THADA: variants seen among roughly 807,000 people sequenced by gnomAD.
THADA encodes the protein tRNA (32-2'-O)-methyltransferase regulator THADA.
Under a neutral mutation model 219.8 loss-of-function variants are expected in THADA, and 213 were observed. The observed-to-expected ratio is 0.97, with a 90% confidence interval of 0.87 to 1.09. The LOEUF is 1.09. Ranked by LOEUF, THADA falls within the 50% of genes least tolerant of loss-of-function variation. The probability of loss-of-function intolerance (pLI) is 0.00; values close to 1 mark genes in which losing one functional copy is unlikely to be tolerated. For synonymous variants in THADA, 1,018 were observed against 828.9 expected (o/e 1.23, Z -3.92); for missense variants, 2,956 against 2,311.3 (o/e 1.28, Z -5.72).
intron 13 of THADA, 66 bp from the exon 14 acceptor site, chr2:43,570,576 G>A: frequency 6.6e-7 from 1 of 1,504,590 alleles, no homozygotes; most frequent in East Asian, 2.3e-5. Context: ...AGCCTGAGAG[G>A]CAAATTATTT....
chr2:43,493,740 T>A (rs1018201957), intron 25 of THADA, among the ~76,000 whole-genome samples: 7 of 152,184 alleles, frequency 4.6e-5, no homozygotes, highest in African/African-American at 1.4e-4. Flanking sequence ...TAACTTAGAT[T>A]GTTAACTAAA....
intron 26 of THADA, among the ~76,000 whole-genome samples, chr2:43,436,766 T>C (rs1558759498): frequency 6.6e-6 from 1 of 152,214 alleles, no homozygotes; most frequent in Non-Finnish European, 1.5e-5. Context: ...ACTATCAACA[T>C]ATGCTCCTCA....
intron 33 of THADA, 143 bp from the exon 34 acceptor site, chr2:43,291,911 GC>G: frequency 1.2e-6 from 1 of 807,014 alleles, no homozygotes; most frequent in Non-Finnish European, 1.9e-6. Flanking sequence ...GCCTCCGGAA[GC>G]AATTACCTTT....
In THADA at chr2:43,541,192, T is replaced by C; in HGVS notation, c.3231A>G (p.Pro1077=). Residue 1077 remains proline, a synonymous_variant, in exon 21 of 38, where the codon CCA becomes CCG. Coordinates refer to ENST00000405975, the MANE Select transcript of THADA (RefSeq NM_022065.5). ...LCQLLPMQPV[P]ESSDGLLTVE... ...CCGTCAATAATCCATCAGAAGATTC[T>C]GGCACAGGCTGCATGGGCAGAAGCT... 4 of 1,600,064 alleles carry C rather than the reference T, an allele frequency of 2.5e-6. No homozygotes were observed. The highest frequency in any genetic ancestry group is 3.4e-6 in the Non-Finnish European group (4 of 1,175,422).
At chr2:43,300,061 G>A (rs1377578198) in intron 31 of THADA, among the ~76,000 whole-genome samples, 1 of 148,714 alleles carries the variant, frequency 6.7e-6, no homozygotes, top group Non-Finnish European at 1.5e-5. Context: ...GCTGACATTT[G>A]TTGAGTATTT....
intron 28 of THADA, among the ~76,000 whole-genome samples, chr2:43,410,879 G>A (rs1263982190): frequency 6.6e-6 from 1 of 152,082 alleles, no homozygotes; most frequent in Non-Finnish European, 1.5e-5. Context: ...CCCCAATAAA[G>A]TTGTTTTTAA....
intron 28 of THADA, among the ~76,000 whole-genome samples, chr2:43,414,501 C>T (rs182231632): frequency 8.0e-4 from 122 of 152,198 alleles, no homozygotes; most frequent in African/African-American, 2.8e-3. Flanking sequence ...AATGAACCAC[C>T]AAAATGAAGC....
At chr2:43,472,724 A>G (rs1685041430) in intron 26 of THADA, among the ~76,000 whole-genome samples, 1 of 152,246 alleles carries the variant, frequency 6.6e-6, no homozygotes, top group African/African-American at 2.4e-5. Flanking sequence ...AACATCGTAG[A>G]GTATACTTAT....
At chr2:43,344,398 G>A (rs1245109997) in intron 29 of THADA, among the ~76,000 whole-genome samples, 161 bp from the exon 30 acceptor site, 3 of 152,186 alleles carry the variant, frequency 2.0e-5, no homozygotes, top group African/African-American at 7.2e-5. Context: ...TGGTTTTGGA[G>A]GATGTAGCAG....
chr2:43,430,571 G>A, intron 26 of THADA: 1 of 476,152 alleles, frequency 2.1e-6, no homozygotes, highest in South Asian at 1.7e-5. Context: ...TATCAGGGAA[G>A]AAATATGTAA....
At chr2:43,486,121 A>C (rs1392216648) in intron 25 of THADA, among the ~76,000 whole-genome samples, 1 of 152,134 alleles carries the variant, frequency 6.6e-6, no homozygotes, top group Non-Finnish European at 1.5e-5. Context: ...TCCTAACTTC[A>C]AAGAATCCAG....
At chr2:43,508,328 G>T (rs928256625) in intron 23 of THADA, among the ~76,000 whole-genome samples, 7 of 152,132 alleles carry the variant, frequency 4.6e-5, no homozygotes, top group African/African-American at 1.7e-4. Flanking sequence ...CAGTGGGGTG[G>T]TGGGGTAACA....
intron 20 of THADA, among the ~76,000 whole-genome samples, chr2:43,544,593 C>A (rs967314799): frequency 1.3e-5 from 2 of 151,666 alleles, no homozygotes; most frequent in Non-Finnish European, 2.9e-5. Flanking sequence ...TCCTTCACGT[C>A]CCTTGTAAGT....
chr2:43,546,463 G>A lies in THADA; in HGVS notation c.3106+2747C>T, dbSNP rs1269310352. 4.4e-3 allele frequency among the ~76,000 whole-genome samples: 674 copies of A among 152,060 alleles called. 3 individuals carry two copies. Among genetic ancestry groups the A allele is most frequent in the African/African-American group, 0.011 (475 of 41,460 alleles). Reference sequence around the variant, plus strand: ...TCTCGTTGATCTGTCTAATGTTGACGGTGGGGTGTTAAAGTCTCCCATTAT... The same window carrying A: ...TCTCGTTGATCTGTCTAATGTTGACAGTGGGGTGTTAAAGTCTCCCATTAT... On this transcript the variant is annotated intron_variant, in intron 20 of 37. Coordinates refer to ENST00000405975, the MANE Select transcript of THADA (RefSeq NM_022065.5).
intron 31 of THADA, among the ~76,000 whole-genome samples, chr2:43,308,758 C>CAAAAAAAAAAAAAAAAAAAAAAA (rs57697839): frequency 2.0e-5 from 1 of 50,866 alleles, no homozygotes; most frequent in African/African-American, 1.2e-4. Context: ...ATACCCATAC[C>CAAAAAAAAAAAAAAAAAAAAAAA]AAAAAAAAAA....
chr2:43,539,906 T>C (rs1001721886), intron 21 of THADA, among the ~76,000 whole-genome samples: 4 of 152,076 alleles, frequency 2.6e-5, no homozygotes, highest in Non-Finnish European at 4.4e-5. Context: ...ATGTGAAAAG[T>C]GTCAAGGCAA....
intron 15 of THADA, among the ~76,000 whole-genome samples, chr2:43,561,133 G>T (rs1194749235): frequency 1.3e-5 from 2 of 151,998 alleles, no homozygotes; most frequent in African/African-American, 4.8e-5. Context: ...GATAAAGAAG[G>T]AATCTTTTGG....
intron 36 of THADA, among the ~76,000 whole-genome samples, chr2:43,252,988 C>T (rs1260383812): frequency 6.6e-6 from 1 of 152,168 alleles, no homozygotes; most frequent in African/African-American, 2.4e-5. Flanking sequence ...ACTCCCTAAC[C>T]ACTCATTCTT....
intron 24 of THADA, among the ~76,000 whole-genome samples, chr2:43,500,967 T>C (rs1688875827): frequency 6.6e-6 from 1 of 151,364 alleles, no homozygotes; most frequent in African/African-American, 2.4e-5. Context: ...CCATTCATAA[T>C]TGCAAAAAAA....
Sources: allele counts gnomAD v4.1 joint callset (sites outside exome capture counted in the v4.1 genomes callset), GRCh38; gene constraint gnomAD v4.1.1; transcripts MANE v1.5; gene names NCBI Gene and HGNC (gene_info 2026-07-23, HGNC 2026-07-21).